The following ZNF521 variants were observed in gnomAD, a reference collection of about 807,000 sequenced individuals.
ZNF521 encodes zinc finger protein 521, also known as LYST-interacting protein 3.
ZNF521 carries 14 observed loss-of-function variants against 105.5 expected under a neutral mutation model. The observed-to-expected ratio is 0.13, with a 90% CI of 0.09 to 0.21. The LOEUF is 0.21. Among genes scored for constraint, ZNF521 ranks in the 10% least tolerant of loss-of-function variants. The probability of loss-of-function intolerance (pLI) is 1.00; values close to 1 mark genes in which losing one functional copy is unlikely to be tolerated. For missense variants in ZNF521, 1,233 were observed against 1,629.7 expected (o/e 0.76, Z 4.19); for synonymous variants, 635 against 606.0 (o/e 1.05, Z -0.70).
At position 25,227,210 on chromosome 18, in the gene ZNF521, C is replaced by T; in HGVS notation, c.708G>A (p.Arg236=). The change falls in exon 4 of 8, where the codon AGG becomes AGA. Residue 236 remains arginine (R), a synonymous_variant. Coordinates refer to ENST00000361524, the MANE Select transcript of ZNF521 (RefSeq NM_015461.3). The surrounding 1 kb of genome is among the most constrained non-coding windows in gnomAD (Gnocchi z 5.7). ...TGTCCTTCATCTTCCAGTCCTCCAT[C>T]CTGGAACCGGACTGAGAGCCGTCCT... The part of the protein sequence containing the change: ...RNKDGSQSGS[R]MEDWKMKDTQ... 6.2e-7 allele frequency: 1 copy of T among 1,614,190 alleles called. No homozygotes were observed. Among genetic ancestry groups the T allele is most frequent in the Non-Finnish European group, 8.5e-7 (1 of 1,180,026 alleles).
At chr18:25,104,794 CAA>C (rs2034038851) in intron 5 of ZNF521, among the ~76,000 whole-genome samples, 1 of 151,946 alleles carries the variant, frequency 6.6e-6, no homozygotes, top group Non-Finnish European at 1.5e-5. Context: ...GAAATTGAAA[CAA>C]GAGTGGGTAA....
intron 5 of ZNF521, among the ~76,000 whole-genome samples, chr18:25,130,372 A>C (rs111940529): frequency 1.6e-4 from 25 of 152,304 alleles, no homozygotes; most frequent in African/African-American, 6.0e-4. Flanking sequence ...AGAACAAAGA[A>C]AATTTTTTGG....
chr18:25,342,505 T>C (rs935631954), intron 2 of ZNF521, among the ~76,000 whole-genome samples: 1 of 147,898 alleles, frequency 6.8e-6, no homozygotes, highest in Non-Finnish European at 1.5e-5. Context: ...CTTGGCTCAC[T>C]GAAAGCTCCG....
intron 5 of ZNF521, among the ~76,000 whole-genome samples, chr18:25,168,661 C>T (rs905359590): frequency 2.0e-5 from 3 of 152,144 alleles, no homozygotes; most frequent in African/African-American, 7.2e-5. Flanking sequence ...AGTCACTAAA[C>T]TGCGTGAGCT....
intron 2 of ZNF521, among the ~76,000 whole-genome samples, chr18:25,349,750 C>G (rs1914633265): frequency 6.6e-6 from 1 of 150,856 alleles, no homozygotes; most frequent in South Asian, 2.1e-4. Context: ...GACCAGAGGG[C>G]GGGGCCGGGC....
At chr18:25,307,302 G>A (rs1912036569) in intron 3 of ZNF521, among the ~76,000 whole-genome samples, 1 of 152,122 alleles carries the variant, frequency 6.6e-6, no homozygotes, top group Non-Finnish European at 1.5e-5. Context: ...AATCTTTGAT[G>A]GTTACCCACT....
intron 3 of ZNF521, among the ~76,000 whole-genome samples, chr18:25,237,939 T>G (rs1424719136): frequency 6.6e-6 from 1 of 152,172 alleles, no homozygotes; most frequent in East Asian, 1.9e-4. Context: ...AACATAAGAT[T>G]TAAGACCTGT....
At chr18:25,158,432 T>A (rs894796909) in intron 5 of ZNF521, among the ~76,000 whole-genome samples, 10 of 152,134 alleles carry the variant, frequency 6.6e-5, no homozygotes, top group African/African-American at 2.4e-4. Flanking sequence ...TTCTGCATTT[T>A]CCCAATTGGC....
chr18:25,252,016 T>C (rs540645689), intron 3 of ZNF521, among the ~76,000 whole-genome samples: 1 of 152,128 alleles, frequency 6.6e-6, no homozygotes. Flanking sequence ...TAAAGGAAAA[T>C]AGATCTTTCT....
intron 5 of ZNF521, among the ~76,000 whole-genome samples, chr18:25,169,529 C>T (rs2035409816): frequency 6.6e-6 from 1 of 152,074 alleles, no homozygotes. Context: ...ATTTGTCTTA[C>T]TTTCACTATT....
rs368644123 is a variant in ZNF521, at chr18:25,226,328, C to T, written c.1590G>A (p.Glu530=). The change falls in exon 4 of 8, where the codon GAG becomes GAA. Residue 530 remains glutamate, a synonymous_variant. Coordinates refer to ENST00000361524, the MANE Select transcript of ZNF521 (RefSeq NM_015461.3). The surrounding 1 kb of genome is among the most constrained non-coding windows in gnomAD (Gnocchi z 4.1). ...MGFLTDSSLE[E]HIRQVHCDLS... The stretch of plus-strand genomic sequence containing the variant: ...GGTCACAATGAACCTGTCTAATATG[C>T]TCTTCCAGGGAAGAGTCAGTGAGAA... The T allele has an allele frequency of 6.2e-7, 1 of 1,614,074 alleles. No individual in the cohort carries two copies. Among genetic ancestry groups the T allele is most frequent in the East Asian group, 2.2e-5 (1 of 44,886 alleles).
chr18:25,177,089 A>ATT (rs112683490), intron 5 of ZNF521, among the ~76,000 whole-genome samples: 44 of 148,506 alleles, frequency 3.0e-4, no homozygotes, highest in African/African-American at 9.8e-4. Flanking sequence ...ACTTTCAGTG[A>ATT]TTTTTTTTTT....
At chr18:25,062,967 C>T (rs2144089468) in intron 7 of ZNF521, among the ~76,000 whole-genome samples, 1 of 152,170 alleles carries the variant, frequency 6.6e-6, no homozygotes, top group Non-Finnish European at 1.5e-5. Flanking sequence ...GGAAACAGAC[C>T]CAGAGATCTT....
At chr18:25,314,307 C>G (rs981501867) in intron 3 of ZNF521, among the ~76,000 whole-genome samples, 1 of 152,144 alleles carries the variant, frequency 6.6e-6, no homozygotes, top group Non-Finnish European at 1.5e-5. Flanking sequence ...TGTTAGAGCA[C>G]TTTATTGTTC....
At chr18:25,329,836 CAAAG>C in intron 2 of ZNF521, among the ~76,000 whole-genome samples, 1 of 152,206 alleles carries the variant, frequency 6.6e-6, no homozygotes, top group African/African-American at 2.4e-5. Flanking sequence ...GACCTGGAAG[CAAAG>C]AGACCAATCC....
At chr18:25,182,165 C>G (rs1002389723) in intron 5 of ZNF521, among the ~76,000 whole-genome samples, 1 of 152,066 alleles carries the variant, frequency 6.6e-6, no homozygotes, top group African/African-American at 2.4e-5. Flanking sequence ...CTTCAGCTTT[C>G]AAAAATAGCC....
intron 5 of ZNF521, among the ~76,000 whole-genome samples, chr18:25,161,000 G>A (rs2035240866): frequency 6.6e-6 from 1 of 152,120 alleles, no homozygotes; most frequent in Admixed American, 6.5e-5. Flanking sequence ...GCTGTGGCAA[G>A]CTAATAAGGT....
intron 5 of ZNF521, among the ~76,000 whole-genome samples, chr18:25,109,422 GC>G: frequency 6.6e-6 from 1 of 152,232 alleles, no homozygotes; most frequent in Middle Eastern, 3.4e-3. Context: ...ACACAGGTAC[GC>G]AGGTGTCTTT....
intron 3 of ZNF521, among the ~76,000 whole-genome samples, chr18:25,286,468 C>T (rs998567673): frequency 2.6e-5 from 4 of 152,172 alleles, no homozygotes; most frequent in African/African-American, 9.7e-5. Context: ...CTACCTACCA[C>T]CATACAGAGG....
Sources: gnomAD v4.1 joint callset for allele counts (sites outside exome capture counted in the v4.1 genomes callset) on GRCh38, gnomAD v4.1.1 for gene constraint, Gnocchi (gnomAD v3.1) non-coding constraint, MANE v1.5 for transcripts, NCBI Gene and HGNC (gene_info 2026-07-23, HGNC 2026-07-21) for gene names.